Variants in SHANK2 observed in about 807,000 individuals in gnomAD.
SHANK2 encodes the protein SH3 and multiple ankyrin repeat domains protein 2.
SHANK2 carries 43 observed loss-of-function variants against 133.7 expected under a neutral mutation model. The observed-to-expected ratio is 0.32, with a 90% confidence interval of 0.25 to 0.41. SHANK2 has a LOEUF of 0.41. Ranked by LOEUF, SHANK2 falls within the 10% of genes least tolerant of loss-of-function variation. The pLI, the probability that SHANK2 is intolerant of heterozygous loss-of-function variation, is 1.00. For missense variants in SHANK2, 1,994 were observed against 2,235.8 expected (o/e 0.89, Z 2.18); for synonymous variants, 1,017 against 952.8 (o/e 1.07, Z -1.24).
At chr11:70,794,293 AC>A (rs1431644739) in intron 14 of SHANK2, among the ~76,000 whole-genome samples, 1 of 151,486 alleles carries the variant, frequency 6.6e-6, no homozygotes, top group East Asian at 2.0e-4. Flanking sequence ...AAAAAAAAAA[AC>A]AACATATAAA....
intron 4 of SHANK2, 110 bp from the exon 5 acceptor site, chr11:71,113,474 A>G (rs1297759222): frequency 2.8e-5 from 26 of 916,546 alleles, no homozygotes; most frequent in Non-Finnish European, 4.5e-5. Flanking sequence ...GGGGAACCCC[A>G]CAGCAAACTT....
At chr11:70,832,195 T>C (rs1565348622) in intron 11 of SHANK2, among the ~76,000 whole-genome samples, 1 of 152,214 alleles carries the variant, frequency 6.6e-6, no homozygotes, top group Non-Finnish European at 1.5e-5. Context: ...AGTAAGTTAA[T>C]ATTTGTAACA....
intron 3 of SHANK2, among the ~76,000 whole-genome samples, chr11:71,127,446 G>A (rs1436155720): frequency 4.6e-5 from 7 of 152,154 alleles, no homozygotes; most frequent in South Asian, 2.1e-4. Context: ...GAAATCGTTC[G>A]TGAGTCAATT....
At chr11:70,878,567 A>G (rs1277583101) in intron 11 of SHANK2, among the ~76,000 whole-genome samples, 1 of 152,120 alleles carries the variant, frequency 6.6e-6, no homozygotes, top group Non-Finnish European at 1.5e-5. Context: ...TATTAAGCCA[A>G]TGGTCTTGCC....
At chr11:70,903,040 G>A (rs1377400004) in intron 10 of SHANK2, among the ~76,000 whole-genome samples, 1 of 152,154 alleles carries the variant, frequency 6.6e-6, no homozygotes, top group Non-Finnish European at 1.5e-5. Flanking sequence ...CTCAAGAATT[G>A]ACAACCATCT....
Position 70,501,999 on chromosome 11 carries a change from T to C in SHANK2, c.2279-68A>G, listed in dbSNP as rs370998426. The stretch of plus-strand genomic sequence containing the variant: ...AAACAGAAAAGAGGAAAGGCAGGAC[T>C]AGCAACAACGCCCCGCGAGGCTCCG... On this transcript the variant is annotated intron_variant, in intron 19 of 25. Transcript: ENST00000601538. 5,767 of 1,513,294 alleles carry C rather than the reference T, an allele frequency of 3.8e-3. 19 individuals carry two copies. The highest frequency in any genetic ancestry group is 4.8e-3 in the Non-Finnish European group (5,350 of 1,112,452). The allele number at this position is 1,513,294 out of a possible 1,614,324, so 93.7% of individuals were successfully genotyped here.
At chr11:70,629,686 G>A (rs1424255152) in intron 17 of SHANK2, among the ~76,000 whole-genome samples, 4 of 152,202 alleles carry the variant, frequency 2.6e-5, no homozygotes, top group African/African-American at 9.7e-5. Flanking sequence ...CCGTCAGGAA[G>A]GTGCCACCTG....
At chr11:71,106,952 C>T (rs1239932528) in intron 6 of SHANK2, among the ~76,000 whole-genome samples, 2 of 150,986 alleles carry the variant, frequency 1.3e-5, no homozygotes, top group South Asian at 2.1e-4. Flanking sequence ...GGCAAAACCC[C>T]GTCTCTACAA....
At position 70,804,379 on chromosome 11, in the gene SHANK2, C is replaced by T. The variant is rs1315038684; in HGVS notation, c.1663+2623G>A. Among the ~76,000 whole-genome samples, 6 of 152,210 alleles carry T rather than the reference C, an allele frequency of 3.9e-5. No individual in the cohort carries two copies. The highest frequency in any genetic ancestry group is 5.9e-5 in the Non-Finnish European group (4 of 68,024). On this transcript the variant is annotated intron_variant, in intron 13 of 25. Coordinates refer to ENST00000601538, the MANE Select transcript of SHANK2 (RefSeq NM_012309.5). The surrounding 1 kb of genome is among the most constrained non-coding windows in gnomAD (Gnocchi z 4.1). ...TGCCACTGGCAGCAGGAAGGGGCTC[C>T]GTGCCAATTGTGTGCAAATGGCCTG...
At chr11:70,701,158 G>A (rs1203940814) in intron 14 of SHANK2, among the ~76,000 whole-genome samples, 1 of 150,946 alleles carries the variant, frequency 6.6e-6, no homozygotes, top group Non-Finnish European at 1.5e-5. Flanking sequence ...GTGTGCGTGT[G>A]TGTGTACGCG....
At chr11:70,596,997 G>A (rs185152786) in intron 17 of SHANK2, among the ~76,000 whole-genome samples, 3 of 152,096 alleles carry the variant, frequency 2.0e-5, no homozygotes, top group East Asian at 3.9e-4. Context: ...CTTGTGCACC[G>A]GTGCTCGGGG....
chr11:70,923,564 G>A (rs1282768364), intron 10 of SHANK2, among the ~76,000 whole-genome samples: 1 of 151,884 alleles, frequency 6.6e-6, no homozygotes, highest in East Asian at 1.9e-4. Flanking sequence ...TTTTGAGAGA[G>A]ACAGGATCCC....
intron 17 of SHANK2, among the ~76,000 whole-genome samples, chr11:70,658,709 G>C (rs2061443014): frequency 6.6e-6 from 1 of 152,224 alleles, no homozygotes; most frequent in Admixed American, 6.5e-5. Context: ...GCATGAACAA[G>C]AAGCTTGGGA....
chr11:70,682,603 A>G (rs1555018621), intron 15 of SHANK2, among the ~76,000 whole-genome samples: 1 of 152,162 alleles, frequency 6.6e-6, no homozygotes, highest in Non-Finnish European at 1.5e-5. Flanking sequence ...CTTGAGATGG[A>G]AAAGTGGGCA....
chr11:70,618,438 T>C (rs983375922), intron 17 of SHANK2, among the ~76,000 whole-genome samples: 1 of 152,192 alleles, frequency 6.6e-6, no homozygotes, highest in East Asian at 1.9e-4. Context: ...CATTTATGTC[T>C]AGCCTAACCA....
At chr11:70,608,746 C>T (rs1038158175) in intron 17 of SHANK2, among the ~76,000 whole-genome samples, 21 of 152,222 alleles carry the variant, frequency 1.4e-4, no homozygotes, top group African/African-American at 4.6e-4. Flanking sequence ...GCCGAAAGCT[C>T]GTGCTATTTA....
At chr11:70,888,309 C>G (rs1030373898) in intron 11 of SHANK2, among the ~76,000 whole-genome samples, 51 of 152,142 alleles carry the variant, frequency 3.4e-4, no homozygotes, top group African/African-American at 1.2e-3. Flanking sequence ...CTTGAGGACT[C>G]ACGACATCAA....
At chr11:70,912,554 T>C (rs2135729717) in intron 10 of SHANK2, among the ~76,000 whole-genome samples, 1 of 152,354 alleles carries the variant, frequency 6.6e-6, no homozygotes, top group Admixed American at 6.5e-5. Context: ...AAGTGCCGTT[T>C]GCCTCCTGCC....
At chr11:70,714,801 C>T (rs1945872934) in intron 14 of SHANK2, among the ~76,000 whole-genome samples, 1 of 151,764 alleles carries the variant, frequency 6.6e-6, no homozygotes, top group Non-Finnish European at 1.5e-5. Flanking sequence ...ATTGGTTTTA[C>T]CTGTAGCATT....
Sources: allele counts gnomAD v4.1 joint callset (sites outside exome capture counted in the v4.1 genomes callset), GRCh38; gene constraint gnomAD v4.1.1; non-coding constraint Gnocchi (gnomAD v3.1); transcripts MANE v1.5; gene names NCBI Gene and HGNC (gene_info 2026-07-23, HGNC 2026-07-21).